DIS3L2: variants seen among roughly 807,000 people sequenced by gnomAD.
DIS3L2 encodes DIS3 like 3'-5' exoribonuclease 2, also known as DIS3-like exonuclease 2.
In DIS3L2, 34 loss-of-function variants were observed where a neutral mutation model predicts 97.5. The observed-to-expected ratio is 0.35, with a 90% CI of 0.27 to 0.46. DIS3L2 has a LOEUF of 0.46. Ranked by LOEUF, DIS3L2 falls within the 20% of genes least tolerant of loss-of-function variation. The pLI, the probability that DIS3L2 is intolerant of heterozygous loss-of-function variation, is 1.00. For missense variants in DIS3L2, 1,038 were observed against 1,146.0 expected (o/e 0.91, Z 1.36); for synonymous variants, 435 against 445.2 (o/e 0.98, Z 0.29).
At chr2:232,240,822 A>G (rs1693059938) in intron 11 of DIS3L2, among the ~76,000 whole-genome samples, 1 of 152,238 alleles carries the variant, frequency 6.6e-6, no homozygotes, top group African/African-American at 2.4e-5. Context: ...AGCCACGGCC[A>G]TGCACTAGCT....
intron 5 of DIS3L2, among the ~76,000 whole-genome samples, chr2:232,046,858 T>G (rs3100615): frequency 0.93 from 141,567 of 152,154 alleles, 65,936 homozygotes; most frequent in East Asian, 1. Context: ...TTGCTGTATT[T>G]TCCAGGCTGG....
At chr2:232,029,246 G>A (rs73098576) in intron 4 of DIS3L2, among the ~76,000 whole-genome samples, 2,018 of 152,334 alleles carry the variant, frequency 0.013, 52 homozygotes, top group African/African-American at 0.046. Context: ...AAGGATAAGA[G>A]TACATGTTTG....
chr2:232,275,302 A>G (rs1018043269), intron 13 of DIS3L2, among the ~76,000 whole-genome samples: 6 of 152,170 alleles, frequency 3.9e-5, no homozygotes, highest in South Asian at 2.1e-4. Flanking sequence ...ATTCTTGACT[A>G]TAACTGTTAA....
At chr2:232,344,318 C>T (rs563958143) in exon 14 of DIS3L2, 1 of 152,348 alleles carries the variant, frequency 6.6e-6, no homozygotes, top group South Asian at 2.1e-4. Context: ...GCCTGAGGGG[C>T]TGCTTCGTAT....
At chr2:232,135,407 T>C (rs1190638299) in intron 7 of DIS3L2, among the ~76,000 whole-genome samples, 1 of 152,172 alleles carries the variant, frequency 6.6e-6, no homozygotes, top group Non-Finnish European at 1.5e-5. Context: ...AGGAGCATCC[T>C]CTTCCTAAAT....
chr2:232,176,608 G>A (rs1221269660), intron 9 of DIS3L2, among the ~76,000 whole-genome samples: 1 of 151,228 alleles, frequency 6.6e-6, no homozygotes, highest in Non-Finnish European at 1.5e-5. Context: ...TTTTTCTTGA[G>A]ATGGGAGTCT....
At chr2:232,055,262 C>T (rs1415605533) in intron 5 of DIS3L2, among the ~76,000 whole-genome samples, 1 of 152,110 alleles carries the variant, frequency 6.6e-6, no homozygotes, top group Admixed American at 6.6e-5. Flanking sequence ...AGAAAAAAGA[C>T]ATGAGGATTG....
chr2:232,337,678 G>A (rs531610653), downstream of DIS3L2, among the ~76,000 whole-genome samples: 177 of 152,170 alleles, frequency 1.2e-3, no homozygotes, highest in African/African-American at 4.3e-3. Flanking sequence ...AAGCCATGGT[G>A]AGCACGGCCT....
chr2:232,176,064 T>A (rs1253700230), intron 9 of DIS3L2, among the ~76,000 whole-genome samples: 1 of 152,106 alleles, frequency 6.6e-6, no homozygotes, highest in African/African-American at 2.4e-5. Flanking sequence ...TAGTTTTTTA[T>A]ATTCTTCATA....
At chr2:232,229,566 C>T (rs917478627) in intron 10 of DIS3L2, among the ~76,000 whole-genome samples, 3 of 152,198 alleles carry the variant, frequency 2.0e-5, no homozygotes, top group Non-Finnish European at 4.4e-5. Context: ...AAGTTCAGCT[C>T]CTCATTCTCT....
chr2:232,065,496 T>C (rs1296888982), intron 5 of DIS3L2, among the ~76,000 whole-genome samples: 1 of 152,090 alleles, frequency 6.6e-6, no homozygotes, highest in African/African-American at 2.4e-5. Context: ...TACCATGACA[T>C]CTTTATTGAA....
chr2:231,992,467 C>A (rs1395167019), intron 1 of DIS3L2, among the ~76,000 whole-genome samples: 2 of 152,152 alleles, frequency 1.3e-5, no homozygotes, highest in African/African-American at 4.8e-5. Flanking sequence ...GCTCAAGTTT[C>A]TCCTTTCATA....
intron 1 of DIS3L2, among the ~76,000 whole-genome samples, chr2:231,972,910 A>G (rs778855041): frequency 1.3e-5 from 2 of 152,170 alleles, no homozygotes; most frequent in Non-Finnish European, 2.9e-5. Flanking sequence ...TTCTATTTAT[A>G]TATTGTTGCA....
intron 5 of DIS3L2, among the ~76,000 whole-genome samples, chr2:232,078,958 A>G (rs1383569381): frequency 1.3e-5 from 2 of 152,206 alleles, no homozygotes; most frequent in Admixed American, 1.3e-4. Flanking sequence ...GTCTTAAAAG[A>G]TGGATAGATT....
intron 20 of DIS3L2, chr2:232,336,132 G>C: frequency 6.5e-7 from 1 of 1,536,996 alleles, no homozygotes; most frequent in South Asian, 1.2e-5. Flanking sequence ...AGGGGTGCTG[G>C]CCTTCTAGGG....
chr2:232,284,066 T>G (rs781480137), intron 13 of DIS3L2, among the ~76,000 whole-genome samples: 1 of 152,176 alleles, frequency 6.6e-6, no homozygotes, highest in East Asian at 1.9e-4. Context: ...GTGGGTTGTT[T>G]TTTTTTTAAT....
chr2:232,045,670 CT>C (rs35019734), intron 5 of DIS3L2, among the ~76,000 whole-genome samples: 13,109 of 98,444 alleles, frequency 0.13, 523 homozygotes, highest in South Asian at 0.29. Context: ...AAAGGCCTCA[CT>C]TTTTTTTTTT....
chr2:231,966,050 G>A (rs969590714), intron 1 of DIS3L2, among the ~76,000 whole-genome samples: 1 of 152,156 alleles, frequency 6.6e-6, no homozygotes, highest in African/African-American at 2.4e-5. Flanking sequence ...ATGCTATTGA[G>A]CATGAGTAAA....
At chr2:231,977,005 G>A (rs1268307342) in intron 1 of DIS3L2, among the ~76,000 whole-genome samples, 1 of 151,816 alleles carries the variant, frequency 6.6e-6, no homozygotes, top group African/African-American at 2.4e-5. Flanking sequence ...CTGACCTCGT[G>A]ATCCGCCCGC....
Sources: allele counts gnomAD v4.1 joint callset (sites outside exome capture counted in the v4.1 genomes callset), GRCh38; gene constraint gnomAD v4.1.1; transcripts MANE v1.5; gene names NCBI Gene and HGNC (gene_info 2026-07-23, HGNC 2026-07-21).